Variants in RNF217 observed in about 807,000 individuals in gnomAD.
The protein encoded by RNF217 is E3 ubiquitin-protein ligase RNF217.
Under a neutral mutation model 57.8 loss-of-function variants are expected in RNF217, and 31 were observed. The observed-to-expected ratio is 0.54, with a 90% CI of 0.40 to 0.72. The LOEUF (loss-of-function observed/expected upper bound fraction) is 0.72, where lower values mean the gene tolerates loss of function less well. RNF217 is among the 30% of genes least tolerant of loss of function. The pLI is 0.00. For synonymous variants in RNF217, 313 were observed against 294.0 expected (o/e 1.06, Z -0.66); for missense variants, 696 against 708.3 (o/e 0.98, Z 0.20).
chr6:124,982,112 C>CT (rs1270166244), intron 1 of RNF217, among the ~76,000 whole-genome samples: 5 of 148,330 alleles, frequency 3.4e-5, no homozygotes, highest in African/African-American at 1.2e-4. Context: ...AGCTATGTAG[C>CT]TTTTTTATTT....
chr6:124,968,130 A>T (rs1031882699), intron 1 of RNF217, among the ~76,000 whole-genome samples: 1 of 152,192 alleles, frequency 6.6e-6, no homozygotes, highest in African/African-American at 2.4e-5. Context: ...ATATTTTTGG[A>T]AACCATTGTG....
intron 1 of RNF217, among the ~76,000 whole-genome samples, chr6:124,966,912 T>A (rs1467899549): frequency 6.6e-6 from 1 of 152,242 alleles, no homozygotes; most frequent in Non-Finnish European, 1.5e-5. Flanking sequence ...TAGTTTTGTT[T>A]TTCAAAACAT....
intron 1 of RNF217, among the ~76,000 whole-genome samples, chr6:125,002,344 A>G (rs1244388283): frequency 6.6e-6 from 1 of 152,122 alleles, no homozygotes; most frequent in Non-Finnish European, 1.5e-5. Flanking sequence ...CCTCCTCGTC[A>G]CAAGCTTCAT....
At chr6:125,045,553 A>T in intron 2 of RNF217, 109 bp downstream of exon 2, 1 of 730,480 alleles carries the variant, frequency 1.4e-6, no homozygotes, top group South Asian at 1.9e-5. Flanking sequence ...ATGGAGCTGA[A>T]GGTGAGCATA....
chr6:125,075,905 G>T (rs1240457099), intron 3 of RNF217, among the ~76,000 whole-genome samples: 1 of 151,934 alleles, frequency 6.6e-6, no homozygotes, highest in African/African-American at 2.4e-5. Context: ...CACACTGTAT[G>T]TTATATATGG....
In RNF217 at chr6:125,053,451, C is replaced by T. The variant is rs576171877; in HGVS notation, c.1117-4491C>T. On this transcript the variant is annotated intron_variant, in intron 2 of 5. Transcript: ENST00000521654. ...GCAAATCCTTTTTGGAAAACTGAAT[C>T]AGCTCTTATATTTGCAGTGCTACTT... 2.0e-5 allele frequency among the ~76,000 whole-genome samples: 3 copies of T among 152,228 alleles called. No homozygotes were observed. In the East Asian group the frequency reaches 5.8e-4, roughly 29 times the overall value.
intron 1 of RNF217, among the ~76,000 whole-genome samples, chr6:125,019,503 T>C (rs9388400): frequency 0.88 from 134,265 of 152,192 alleles, 60,394 homozygotes; most frequent in Non-Finnish European, 0.98. Context: ...ATGTTATTCT[T>C]ATATGACTAT....
At chr6:125,056,270 A>G (rs2114580254) in intron 2 of RNF217, among the ~76,000 whole-genome samples, 1 of 152,288 alleles carries the variant, frequency 6.6e-6, no homozygotes, top group Admixed American at 6.5e-5. Context: ...TCAGCAAGTT[A>G]TTTAATCTAT....
chr6:125,059,401 C>T (rs1582763210), intron 3 of RNF217, among the ~76,000 whole-genome samples: 1 of 152,112 alleles, frequency 6.6e-6, no homozygotes, highest in African/African-American at 2.4e-5. Context: ...AGGCCTTCCC[C>T]CCTTTCTCTT....
intron 1 of RNF217, among the ~76,000 whole-genome samples, chr6:125,019,836 G>T (rs576608119): frequency 8.6e-5 from 13 of 150,616 alleles, no homozygotes; most frequent in African/African-American, 1.7e-4. Flanking sequence ...TTTGCAGTGG[G>T]GGGGGAGTGA....
intron 3 of RNF217, among the ~76,000 whole-genome samples, chr6:125,060,443 G>A (rs1554292667): frequency 6.6e-6 from 1 of 151,636 alleles, no homozygotes; most frequent in Non-Finnish European, 1.5e-5. Flanking sequence ...AGTAAATATT[G>A]TTATTTATTT....
intron 1 of RNF217, among the ~76,000 whole-genome samples, chr6:124,981,366 C>T (rs185539830): frequency 6.6e-6 from 1 of 152,184 alleles, no homozygotes; most frequent in East Asian, 1.9e-4. Context: ...GAGGTCCTGA[C>T]AATAAGTGTG....
chr6:124,984,032 A>G (rs1340090092), intron 1 of RNF217, among the ~76,000 whole-genome samples: 2 of 152,152 alleles, frequency 1.3e-5, no homozygotes, highest in Non-Finnish European at 2.9e-5. Context: ...TTATTAGGGT[A>G]GAGCCCTCCA....
chr6:125,089,530 G>C lies in RNF217; in HGVS notation c.*6593G>C, dbSNP rs1788872300. The C allele has an allele frequency of 6.6e-6, 1 of 152,106 alleles. No homozygotes were observed. The highest frequency in any genetic ancestry group is 2.4e-5 in the African/African-American group (1 of 41,410). 9.4% of individuals were successfully genotyped at this position (152,106 alleles called of 1,614,324 possible). A position where few individuals can be genotyped will look rare whatever the true frequency, so the allele number is the denominator to read the frequency against. On this transcript the variant is annotated 3_prime_UTR_variant, in exon 6 of 6. Transcript: ENST00000521654. ...AAAGTAGGTCACATTGAATGTAACT[G>C]ATATTAACCCTATTCTAGAGAAAAC... is the stretch of plus-strand genomic sequence containing the variant.
chr6:125,036,297 A>G (rs895651894), intron 1 of RNF217, among the ~76,000 whole-genome samples: 2 of 152,148 alleles, frequency 1.3e-5, no homozygotes, highest in African/African-American at 4.8e-5. Flanking sequence ...TGCTGTATAT[A>G]TGCCACATTT....
At chr6:125,003,879 A>C (rs1187671970) in intron 1 of RNF217, among the ~76,000 whole-genome samples, 2 of 152,126 alleles carry the variant, frequency 1.3e-5, no homozygotes, top group African/African-American at 4.8e-5. Flanking sequence ...GTTTTGAAGG[A>C]GAAATTGAGG....
intron 1 of RNF217, among the ~76,000 whole-genome samples, chr6:124,965,806 G>A (rs1485951568): frequency 2.6e-5 from 4 of 151,904 alleles, no homozygotes; most frequent in Admixed American, 2.0e-4. Context: ...CTCACCCCAC[G>A]CTCTCTCTCT....
intron 1 of RNF217, among the ~76,000 whole-genome samples, chr6:125,017,988 C>G (rs1432978259): frequency 6.6e-6 from 1 of 152,150 alleles, no homozygotes; most frequent in Admixed American, 6.6e-5. Flanking sequence ...ATCCAGTCTT[C>G]TAGTAGCACA....
chr6:125,036,645 GAATCTACAAGT>G (rs1447517541), intron 1 of RNF217, among the ~76,000 whole-genome samples: 5 of 151,890 alleles, frequency 3.3e-5, no homozygotes, highest in Admixed American at 2.0e-4. Context: ...CTAATATCCA[GAATCTACAAGT>G]AACGTAAACA....
Sources: allele counts gnomAD v4.1 joint callset (sites outside exome capture counted in the v4.1 genomes callset), GRCh38; gene constraint gnomAD v4.1.1; transcripts MANE v1.5; gene names NCBI Gene and HGNC (gene_info 2026-07-23, HGNC 2026-07-21).